MGAT4C: variants seen among roughly 807,000 people sequenced by gnomAD.
MGAT4C encodes alpha-1,3-mannosyl-glycoprotein 4-beta-N-acetylglucosaminyltransferase C.
MGAT4C carries 19 observed loss-of-function variants against 40.1 expected under a neutral mutation model. The observed-to-expected ratio is 0.47, with a 90% CI of 0.33 to 0.70. MGAT4C has a LOEUF of 0.70. Among genes scored for constraint, MGAT4C ranks in the 30% least tolerant of loss-of-function variants. The pLI is 0.02. For synonymous variants in MGAT4C, 181 were observed against 187.1 expected (o/e 0.97, Z 0.27); for missense variants, 491 against 563.2 (o/e 0.87, Z 1.30).
rs530469146 is a variant in MGAT4C, at chr12:86,421,264, T to C, written c.-120+13893A>G. The stretch of plus-strand genomic sequence containing the variant: ...AAAAGTGTTTAGGCTATACCTATGG[T>C]TCGGATAATTGTTCTACCCCTTGCT... On this transcript the variant is annotated intron_variant, in intron 3 of 7. Transcript: ENST00000548651. 2.0e-4 allele frequency among the ~76,000 whole-genome samples: 31 copies of C among 152,260 alleles called. 1 individual carries two copies. In the South Asian group the frequency reaches 6.4e-3, roughly 32 times the overall value.
At chr12:86,250,628 TA>T (rs1952236322) in intron 1 of MGAT4C, among the ~76,000 whole-genome samples, 1 of 151,998 alleles carries the variant, frequency 6.6e-6, no homozygotes, top group African/African-American at 2.4e-5. Flanking sequence ...TAAAACAGAG[TA>T]AAAGATAAAA....
intron 2 of MGAT4C, among the ~76,000 whole-genome samples, chr12:86,034,002 A>G (rs1332088040): frequency 2.0e-5 from 3 of 149,328 alleles, no homozygotes; most frequent in Non-Finnish European, 4.5e-5. Context: ...TCTGTATCTG[A>G]TGAGGTGATC....
intron 1 of MGAT4C, among the ~76,000 whole-genome samples, chr12:86,776,471 T>G (rs1245210073): frequency 6.6e-6 from 1 of 152,020 alleles, no homozygotes; most frequent in Non-Finnish European, 1.5e-5. Context: ...CCCTTCAACT[T>G]TTTTATAACT....
intron 1 of MGAT4C, among the ~76,000 whole-genome samples, chr12:86,763,813 C>G (rs1951448590): frequency 6.6e-6 from 1 of 152,074 alleles, no homozygotes; most frequent in South Asian, 2.1e-4. Flanking sequence ...ACTTATAGAT[C>G]ATTTCACCTA....
chr12:86,828,137 A>G (rs1338724125), intron 1 of MGAT4C, among the ~76,000 whole-genome samples: 1 of 151,092 alleles, frequency 6.6e-6, no homozygotes, highest in Non-Finnish European at 1.5e-5. Flanking sequence ...TAAAATGTAA[A>G]ATCTGTTATG....
chr12:86,621,350 A>G (rs1402754387), intron 2 of MGAT4C, among the ~76,000 whole-genome samples: 1 of 152,192 alleles, frequency 6.6e-6, no homozygotes, highest in Non-Finnish European at 1.5e-5. Flanking sequence ...AAAAGGCTGC[A>G]CAGGACACTG....
chr12:86,249,458 T>C (rs1216413136), intron 1 of MGAT4C, among the ~76,000 whole-genome samples: 1 of 152,212 alleles, frequency 6.6e-6, no homozygotes, highest in Non-Finnish European at 1.5e-5. Context: ...TGGTGCCAAA[T>C]AATCCTGCTT....
chr12:86,568,308 C>G (rs1195660892), intron 2 of MGAT4C, among the ~76,000 whole-genome samples: 9 of 152,054 alleles, frequency 5.9e-5, no homozygotes, highest in Non-Finnish European at 1.3e-4. Context: ...CTTTATCTTT[C>G]TCCTATACTG....
chr12:85,957,657 C>CAAAAAAAAAAAAAAAAAGAAA lies in MGAT4C; in HGVS notation c.*21631_*21632insTTTCTTTTTTTTTTTTTTTTT, dbSNP rs5799763. The CAAAAAAAAAAAAAAAAAGAAA allele has an allele frequency of 9.9e-6, 1 of 101,300 alleles. No homozygotes were observed. Among genetic ancestry groups the CAAAAAAAAAAAAAAAAAGAAA allele is most frequent in the African/African-American group, 4.0e-5 (1 of 24,744 alleles). The allele number at this position is 101,300 out of a possible 1,614,324, so 6.3% of individuals were successfully genotyped here. ...TTTACTGTAGAGTTGAATAAGAAAG[C>CAAAAAAAAAAAAAAAAAGAAA]AAAAAAAAAAAAAAAAGAAAAAAGA... On this transcript the variant is annotated 3_prime_UTR_variant, in exon 5 of 5. Transcript: ENST00000611864.
In MGAT4C at chr12:85,964,386, T is replaced by C. The variant is rs376639924; in HGVS notation, c.*14903A>G. ...ATTATCACATTGGCCACAGAACACA[T>C]AGAATGTTAGTTTTGTAGAAAATTT... On this transcript the variant is annotated 3_prime_UTR_variant, in exon 5 of 5. Transcript: ENST00000611864. 6.6e-6 allele frequency: 1 copy of C among 152,114 alleles called. No individual in the cohort carries two copies. The highest frequency in any genetic ancestry group is 1.5e-5 in the Non-Finnish European group (1 of 67,978). 9.4% of individuals were successfully genotyped at this position (152,114 alleles called of 1,614,324 possible). A position where few individuals can be genotyped will look rare whatever the true frequency, so the allele number is the denominator to read the frequency against.
At chr12:86,686,514 A>G (rs1049719516) in intron 2 of MGAT4C, among the ~76,000 whole-genome samples, 5 of 152,126 alleles carry the variant, frequency 3.3e-5, no homozygotes, top group Non-Finnish European at 7.3e-5. Context: ...TGCTCCATCA[A>G]TACCTAGTTT....
intron 1 of MGAT4C, among the ~76,000 whole-genome samples, chr12:86,151,749 C>T (rs1272397047): frequency 1.3e-5 from 2 of 152,234 alleles, no homozygotes; most frequent in Non-Finnish European, 1.5e-5. Flanking sequence ...TGAACAATTT[C>T]AGTAATCCAG....
At chr12:86,742,754 A>G (rs1951087551) in intron 1 of MGAT4C, among the ~76,000 whole-genome samples, 3 of 151,534 alleles carry the variant, frequency 2.0e-5, no homozygotes, top group East Asian at 3.9e-4. Context: ...GAGCCTCTTA[A>G]TATAATTGTA....
chr12:86,197,861 C>T (rs1046037190), intron 1 of MGAT4C, among the ~76,000 whole-genome samples: 2 of 152,226 alleles, frequency 1.3e-5, no homozygotes, highest in African/African-American at 4.8e-5. Context: ...CTAACTTCAG[C>T]AAGAATATCT....
intron 1 of MGAT4C, among the ~76,000 whole-genome samples, chr12:86,090,549 G>A (rs927139447): frequency 5.9e-5 from 9 of 151,680 alleles, no homozygotes; most frequent in African/African-American, 2.2e-4. Flanking sequence ...TCATGTTTCT[G>A]TAAATATTCT....
intron 1 of MGAT4C, among the ~76,000 whole-genome samples, chr12:86,187,766 T>C (rs990719652): frequency 6.6e-5 from 10 of 151,242 alleles, no homozygotes; most frequent in African/African-American, 2.4e-4. Flanking sequence ...AAAAAAAATG[T>C]CATTTTTCAG....
intron 2 of MGAT4C, among the ~76,000 whole-genome samples, chr12:85,992,223 G>T (rs746070369): frequency 1.3e-5 from 2 of 152,204 alleles, no homozygotes; most frequent in Non-Finnish European, 2.9e-5. Context: ...TTAAGACATG[G>T]AGAACAGACT....
chr12:86,201,867 T>C (rs1950065067), intron 1 of MGAT4C, among the ~76,000 whole-genome samples: 1 of 152,114 alleles, frequency 6.6e-6, no homozygotes, highest in African/African-American at 2.4e-5. Flanking sequence ...ATATTGCATG[T>C]TGTCCACTAA....
At chr12:86,632,760 G>T (rs960688982) in intron 2 of MGAT4C, among the ~76,000 whole-genome samples, 1 of 151,472 alleles carries the variant, frequency 6.6e-6, no homozygotes, top group Admixed American at 6.6e-5. Flanking sequence ...CCTGTTGTGG[G>T]GTGGGGGGAT....
Sources: gnomAD v4.1 joint callset for allele counts (sites outside exome capture counted in the v4.1 genomes callset) on GRCh38, gnomAD v4.1.1 for gene constraint, MANE v1.5 for transcripts, NCBI Gene and HGNC (gene_info 2026-07-23, HGNC 2026-07-21) for gene names.